Variants in ADGRG3 observed in about 807,000 individuals in gnomAD.
ADGRG3 encodes adhesion G protein-coupled receptor G3.
In ADGRG3, 39 loss-of-function variants were observed where a neutral mutation model predicts 54.3. The observed-to-expected ratio is 0.72, with a 90% CI of 0.56 to 0.94. ADGRG3 has a LOEUF of 0.94. Among genes scored for constraint, ADGRG3 ranks in the 40% least tolerant of loss-of-function variants. The pLI is 0.00. For synonymous variants in ADGRG3, 312 were observed against 290.0 expected (o/e 1.08, Z -0.77); for missense variants, 654 against 694.6 (o/e 0.94, Z 0.66).
intron 2 of ADGRG3, among the ~76,000 whole-genome samples, chr16:57,674,894 G>A (rs1310979836): frequency 6.6e-6 from 1 of 150,818 alleles, no homozygotes; most frequent in African/African-American, 2.4e-5. Flanking sequence ...TACTCGGGAG[G>A]CTGAGGTGGG....
intron 1 of ADGRG3, among the ~76,000 whole-genome samples, chr16:57,669,159 T>A (rs2048106954): frequency 6.6e-6 from 1 of 152,208 alleles, no homozygotes; most frequent in Non-Finnish European, 1.5e-5. Flanking sequence ...CCCTCCTCAG[T>A]GCTCCTGTCT....
intron 3 of ADGRG3, among the ~76,000 whole-genome samples, chr16:57,677,582 CA>C (rs575232472): frequency 1.3e-5 from 2 of 151,586 alleles, no homozygotes; most frequent in African/African-American, 2.4e-5. Context: ...GACTCCATCT[CA>C]AAAAAAACAA....
At chr16:57,666,661 G>T (rs1201960472), upstream of ADGRG3, among the ~76,000 whole-genome samples, 1 of 152,138 alleles carries the variant, frequency 6.6e-6, no homozygotes, top group Non-Finnish European at 1.5e-5. Context: ...GGGGTCTCAG[G>T]GTTCTGTGAG....
upstream of ADGRG3, among the ~76,000 whole-genome samples, chr16:57,666,226 G>T (rs918012499): frequency 2.0e-5 from 3 of 152,204 alleles, no homozygotes; most frequent in Middle Eastern, 3.4e-3. Context: ...CTTCCAGAAT[G>T]GGGGGGAAAT....
At chr16:57,676,057 C>T in intron 2 of ADGRG3, 143 bp from the exon 3 acceptor site, 1 of 670,062 alleles carries the variant, frequency 1.5e-6, no homozygotes, top group Non-Finnish European at 2.5e-6. Context: ...CTGGACGGCC[C>T]CCAAGCCACT....
At chr16:57,675,839 G>A (rs977446871) in intron 2 of ADGRG3, among the ~76,000 whole-genome samples, 5 of 152,142 alleles carry the variant, frequency 3.3e-5, no homozygotes, top group Admixed American at 6.6e-5. Flanking sequence ...TCATGGGTAC[G>A]GGTTTCCTTT....
At chr16:57,688,239 C>G in intron 11 of ADGRG3, 113 bp from the exon 12 acceptor site, 2 of 711,446 alleles carry the variant, frequency 2.8e-6, no homozygotes, top group East Asian at 2.5e-5. Flanking sequence ...CCTTTCCCAG[C>G]AGTTCTTGAG....
upstream of ADGRG3, chr16:57,668,119 C>T (rs1162851959): frequency 1.7e-6 from 1 of 581,726 alleles, no homozygotes; most frequent in African/African-American, 1.9e-5. Flanking sequence ...CTCAGCAGCT[C>T]CCTCTGCAGG....
intron 5 of ADGRG3, 90 bp downstream of exon 5, chr16:57,679,401 A>C: frequency 1.5e-6 from 2 of 1,375,428 alleles, no homozygotes. Context: ...GGGACACTAC[A>C]TATCTGTCCC....
At chr16:57,686,247 C>G (rs1206173200) in intron 11 of ADGRG3, among the ~76,000 whole-genome samples, 1 of 152,180 alleles carries the variant, frequency 6.6e-6, no homozygotes, top group African/African-American at 2.4e-5. Context: ...CCTCAGGAAG[C>G]TTCCAATCAT....
rs1490856457 is a variant in ADGRG3, at chr16:57,668,377, G to T, written c.30G>T (p.Leu10=). The stretch of plus-strand genomic sequence containing the variant: ...CGACGCCCAGGGGCCTGGGGGCCCT[G>T]CTCCTGCTCCTCCTGCTCCCGACCT... MATPRGLGA[L]LLLLLLPTSG... The change falls in exon 1 of 12, where the codon CTG becomes CTT. Residue 10 remains leucine (L), a synonymous_variant. Coordinates refer to ENST00000333493, the MANE Select transcript of ADGRG3 (RefSeq NM_170776.5). The T allele has an allele frequency of 6.3e-7, 1 of 1,575,602 alleles. No homozygotes were observed.
At position 57,675,815 on chromosome 16, in the gene ADGRG3, G is replaced by A. The variant is rs190797660; in HGVS notation, c.207-385G>A. 2.0e-5 allele frequency among the ~76,000 whole-genome samples: 3 copies of A among 152,234 alleles called. No homozygotes were observed. The East Asian group carries it at 5.8e-4, about 29-fold the overall frequency. ...AGTGATTGCAGGGGCTGGGGGAAGGGGGAAGGGAGAGCTTCATGGGTACGG... is the reference window on the plus strand; with the variant it reads ...AGTGATTGCAGGGGCTGGGGGAAGGAGGAAGGGAGAGCTTCATGGGTACGG... On this transcript the variant is annotated intron_variant, in intron 2 of 11. Transcript: ENST00000333493.
chr16:57,682,669 G>T (rs1323809623), intron 8 of ADGRG3: 9 of 981,756 alleles, frequency 9.2e-6, no homozygotes, highest in African/African-American at 1.7e-5. Flanking sequence ...GAAGCCCCCG[G>T]CTCCCCTCCC....
intron 2 of ADGRG3, 35 bp downstream of exon 2, chr16:57,673,503 A>G: frequency 6.3e-7 from 1 of 1,580,026 alleles, no homozygotes; most frequent in Non-Finnish European, 8.7e-7. Context: ...GGGGAATCTG[A>G]AGCTGCTGGG....
At chr16:57,673,168 T>A (rs1339430524) in intron 1 of ADGRG3, among the ~76,000 whole-genome samples, 153 bp from the exon 2 acceptor site, 1 of 152,200 alleles carries the variant, frequency 6.6e-6, no homozygotes, top group Non-Finnish European at 1.5e-5. Flanking sequence ...AGAGAGGGTC[T>A]GCATCCTGCT....
Position 57,676,323 on chromosome 16 carries a change from T to C in ADGRG3, c.330T>C (p.Ser110=), listed in dbSNP as rs760835880. Reference sequence around the variant, plus strand: ...ACACTGCAGAAGACTTCTATTTCTCTCTGGAGCCCTCTCAGGTGAAGAGCT... The same window carrying C: ...ACACTGCAGAAGACTTCTATTTCTCCCTGGAGCCCTCTCAGGTGAAGAGCT... ...STNTAEDFYF[S]LEPSQVPRQV... Residue 110 remains serine, a synonymous_variant, in exon 3 of 12, where the codon TCT becomes TCC. Coordinates refer to ENST00000333493, the MANE Select transcript of ADGRG3 (RefSeq NM_170776.5). The C allele has an allele frequency of 2.5e-6, 4 of 1,614,176 alleles. No homozygotes were observed. The highest frequency in any genetic ancestry group is 2.5e-6 in the Non-Finnish European group (3 of 1,180,000).
chr16:57,671,346 T>C (rs1316670976), intron 1 of ADGRG3, among the ~76,000 whole-genome samples: 4 of 147,116 alleles, frequency 2.7e-5, no homozygotes, highest in African/African-American at 1.0e-4. Context: ...TTTTTTTTTT[T>C]TTTTTTTTTT....
chr16:57,679,779 C>G (rs1729050281), intron 5 of ADGRG3, 37 bp from the exon 6 acceptor site: 1 of 1,592,046 alleles, frequency 6.3e-7, no homozygotes, highest in South Asian at 1.1e-5. Context: ...CCAAACTTCC[C>G]TTTTCCTCTC....
chr16:57,674,942 C>T (rs1689049036), intron 2 of ADGRG3, among the ~76,000 whole-genome samples: 1 of 138,686 alleles, frequency 7.2e-6, no homozygotes, highest in Non-Finnish European at 1.5e-5. Context: ...GTTGCAGTGA[C>T]CTGAGATCAC....
Sources: gnomAD v4.1 joint callset for allele counts (sites outside exome capture counted in the v4.1 genomes callset) on GRCh38, gnomAD v4.1.1 for gene constraint, MANE v1.5 for transcripts, NCBI Gene and HGNC (gene_info 2026-07-23, HGNC 2026-07-21) for gene names.